ADAM10: variants seen among roughly 807,000 people sequenced by gnomAD.
The protein encoded by ADAM10 is disintegrin and metalloproteinase domain-containing protein 10.
Under a neutral mutation model 90.1 loss-of-function variants are expected in ADAM10, and 17 were observed. The ratio of observed to expected loss-of-function variants is 0.19; its 90% CI spans 0.13 to 0.28. The LOEUF (loss-of-function observed/expected upper bound fraction) is 0.28. ADAM10 is among the 10% of genes least tolerant of loss of function. The pLI is 1.00. For missense variants in ADAM10, 610 were observed against 914.3 expected (o/e 0.67, Z 4.29); for synonymous variants, 310 against 298.6 (o/e 1.04, Z -0.40).
intron 9 of ADAM10, among the ~76,000 whole-genome samples, chr15:58,631,060 G>A (rs954887391): frequency 6.6e-6 from 1 of 151,854 alleles, no homozygotes; most frequent in South Asian, 2.1e-4. Context: ...TTGACCCCAC[G>A]CTCCCACCAC....
At position 58,621,476 on chromosome 15, in the gene ADAM10, C is replaced by T. The variant is rs373774799; in HGVS notation, c.1506G>A (p.Gln502=). The T allele has an allele frequency of 6.2e-7, 1 of 1,614,064 alleles. No homozygotes were observed. Among genetic ancestry groups the T allele is most frequent in the Non-Finnish European group, 8.5e-7 (1 of 1,180,000 alleles). Residue 502 remains glutamine, a synonymous_variant, in exon 11 of 16, where the codon CAG becomes CAA. Coordinates refer to ENST00000260408, the MANE Select transcript of ADAM10 (RefSeq NM_001110.4). ...GRKCKLKPGK[Q]CSPSQGPCCT... ...CACTGAAATTAGCAAGGTACCTGCA[C>T]TGTTTCCCAGGTTTCAGTTTGCATT...
chr15:58,640,054 A>C (rs1410093308), intron 8 of ADAM10, among the ~76,000 whole-genome samples: 1 of 152,198 alleles, frequency 6.6e-6, no homozygotes, highest in Non-Finnish European at 1.5e-5. Context: ...TTGGATTTCT[A>C]AACTAGGCAA....
chr15:58,694,808 A>G (rs2140780034), intron 2 of ADAM10, among the ~76,000 whole-genome samples: 1 of 152,224 alleles, frequency 6.6e-6, no homozygotes, highest in African/African-American at 2.4e-5. Context: ...AAGAATGCAG[A>G]GTCTAATTCC....
At chr15:58,707,665 T>C (rs1273285315) in intron 2 of ADAM10, among the ~76,000 whole-genome samples, 1 of 152,198 alleles carries the variant, frequency 6.6e-6, no homozygotes, top group Non-Finnish European at 1.5e-5. Flanking sequence ...GTTACACCTA[T>C]TATACATGAT....
chr15:58,735,467 A>C (rs1340457424), intron 1 of ADAM10, among the ~76,000 whole-genome samples: 1 of 152,216 alleles, frequency 6.6e-6, no homozygotes, highest in Admixed American at 6.5e-5. Flanking sequence ...AGATATCCAA[A>C]TCCATTGATG....
In ADAM10 at chr15:58,703,291, C is replaced by CAAAA. The variant is rs542156053; in HGVS notation, c.206+14282_206+14285dup. ...CCAGGAAAACAATTTGGTATTCCCT[C>CAAAA]AAAAAAAAAAAAAAAAAAAACACAC... On this transcript the variant is annotated intron_variant, in intron 2 of 15. Coordinates refer to ENST00000260408, the MANE Select transcript of ADAM10 (RefSeq NM_001110.4). Among the ~76,000 whole-genome samples, 9 of 76,346 alleles carry CAAAA rather than the reference C, an allele frequency of 1.2e-4. No homozygotes were observed. The East Asian group carries it at 1.2e-3, about 10-fold the overall frequency. The allele number at this position is 76,346 out of a possible 152,430, so 50.1% of individuals were successfully genotyped here. A position where few individuals can be genotyped will look rare whatever the true frequency, so the allele number is the denominator to read the frequency against.
At chr15:58,679,379 C>T in intron 3 of ADAM10, 97 bp from the exon 4 acceptor site, 1 of 1,028,992 alleles carries the variant, frequency 9.7e-7, no homozygotes, top group Admixed American at 1.9e-5. Flanking sequence ...TATATACACA[C>T]ATGCATACAT....
At chr15:58,693,905 T>C (rs1396340311) in intron 2 of ADAM10, among the ~76,000 whole-genome samples, 2 of 151,964 alleles carry the variant, frequency 1.3e-5, no homozygotes, top group Admixed American at 1.3e-4. Context: ...CAAACAACAA[T>C]GTGAAAAAAT....
intron 4 of ADAM10, among the ~76,000 whole-genome samples, chr15:58,673,113 G>C (rs116352323): frequency 1.0e-3 from 153 of 152,214 alleles, no homozygotes; most frequent in African/African-American, 3.4e-3. Context: ...TTGACAGTCA[G>C]TTGATGAGAG....
chr15:58,706,115 G>A (rs1225513217), intron 2 of ADAM10, among the ~76,000 whole-genome samples: 1 of 152,194 alleles, frequency 6.6e-6, no homozygotes, highest in Non-Finnish European at 1.5e-5. Context: ...GCTAAAGACA[G>A]TATGGTTCTA....
chr15:58,606,267 T>A (rs951021380), intron 14 of ADAM10, among the ~76,000 whole-genome samples: 24 of 152,232 alleles, frequency 1.6e-4, no homozygotes, highest in African/African-American at 5.3e-4. Flanking sequence ...ACTCCTCCTA[T>A]CCTTCAAACT....
intron 14 of ADAM10, among the ~76,000 whole-genome samples, chr15:58,603,495 C>G (rs183968465): frequency 2.2e-4 from 34 of 152,258 alleles, no homozygotes; most frequent in Non-Finnish European, 4.7e-4. Flanking sequence ...AGCTTTCTCA[C>G]GATGATGGGC....
At chr15:58,693,761 T>TAA (rs36118429) in intron 2 of ADAM10, among the ~76,000 whole-genome samples, 36,683 of 135,686 alleles carry the variant, frequency 0.27, 6,345 homozygotes, top group East Asian at 0.48. Context: ...GAAATAGCTT[T>TAA]AAAAAAAAAA....
chr15:58,689,211 C>A (rs559203878), intron 2 of ADAM10, among the ~76,000 whole-genome samples: 13 of 152,148 alleles, frequency 8.5e-5, no homozygotes, highest in Non-Finnish European at 1.5e-4. Context: ...GCAGGCCGGG[C>A]GTGGTGGCTC....
intron 11 of ADAM10, among the ~76,000 whole-genome samples, chr15:58,615,296 AAC>A (rs1410975903): frequency 1.3e-5 from 2 of 151,144 alleles, no homozygotes; most frequent in Middle Eastern, 3.4e-3. Context: ...AAAAAAAAAA[AAC>A]CAGAAAATAA....
At chr15:58,665,019 A>C (rs905717956) in intron 5 of ADAM10, 78 bp downstream of exon 5, 1 of 1,144,322 alleles carries the variant, frequency 8.7e-7, no homozygotes, top group Admixed American at 1.7e-5. Context: ...AAATCCTAGA[A>C]CATATATTTT....
intron 2 of ADAM10, among the ~76,000 whole-genome samples, chr15:58,709,887 T>A (rs1377898933): frequency 6.6e-6 from 1 of 152,190 alleles, no homozygotes; most frequent in Non-Finnish European, 1.5e-5. Context: ...CATACCCTTT[T>A]CAAAGGAGGA....
At chr15:58,608,013 C>T (rs1405335037) in intron 14 of ADAM10, among the ~76,000 whole-genome samples, 1 of 152,112 alleles carries the variant, frequency 6.6e-6, no homozygotes, top group Non-Finnish European at 1.5e-5. Context: ...TTGATAAATC[C>T]AAAGGATGTT....
intron 8 of ADAM10, among the ~76,000 whole-genome samples, chr15:58,635,405 C>T (rs1896223987): frequency 1.3e-5 from 2 of 151,906 alleles, no homozygotes; most frequent in Admixed American, 6.6e-5. Context: ...GACTATAGGC[C>T]GGACAAATAG....
Sources: gnomAD v4.1 joint callset for allele counts (sites outside exome capture counted in the v4.1 genomes callset) on GRCh38, gnomAD v4.1.1 for gene constraint, MANE v1.5 for transcripts, NCBI Gene and HGNC (gene_info 2026-07-23, HGNC 2026-07-21) for gene names.